The following RTCA variants were observed in gnomAD, a reference collection of about 807,000 sequenced individuals.
RTCA encodes the protein RNA terminal phosphate cyclase domain 1.
RTCA carries 37 observed loss-of-function variants against 46.1 expected under a neutral mutation model. The ratio of observed to expected loss-of-function variants is 0.80; its 90% CI spans 0.62 to 1.06. The LOEUF (loss-of-function observed/expected upper bound fraction) is 1.06, where lower values mean the gene tolerates loss of function less well. Among genes scored for constraint, RTCA ranks in the 50% least tolerant of loss-of-function variants. The pLI, the probability that RTCA is intolerant of heterozygous loss-of-function variation, is 0.00. For synonymous variants in RTCA, 164 were observed against 158.3 expected, an observed-to-expected ratio of 1.04 and a Z score of -0.27; for missense variants, 435 against 455.5, an observed-to-expected ratio of 0.95 and a Z score of 0.41.
chr1:100,290,256 T>C (rs1570894995), intron 10 of RTCA, among the ~76,000 whole-genome samples: 1 of 152,042 alleles, frequency 6.6e-6, no homozygotes, highest in East Asian at 1.9e-4. Flanking sequence ...TTAACCTATT[T>C]AATTGTTTTG....
intron 3 of RTCA, among the ~76,000 whole-genome samples, chr1:100,270,282 C>G (rs1666011904): frequency 6.6e-6 from 1 of 152,098 alleles, no homozygotes; most frequent in South Asian, 2.1e-4. Flanking sequence ...GCCAAGGTCA[C>G]ACAGCTAATG....
At chr1:100,273,956 C>T (rs913304485) in intron 5 of RTCA, among the ~76,000 whole-genome samples, 4 of 151,924 alleles carry the variant, frequency 2.6e-5, no homozygotes, top group Non-Finnish European at 5.9e-5. Context: ...ACTTCTTCGT[C>T]CCTCTCCTCC....
At chr1:100,267,664 T>TTA in intron 2 of RTCA, 2 of 1,036,620 alleles carry the variant, frequency 1.9e-6, no homozygotes, top group Non-Finnish European at 2.6e-6. Flanking sequence ...TTTTTTTTTT[T>TTA]TATAAGGACA....
chr1:100,272,034 G>A (rs1022800769), intron 4 of RTCA, among the ~76,000 whole-genome samples: 3 of 152,130 alleles, frequency 2.0e-5, no homozygotes, highest in Non-Finnish European at 2.9e-5. Context: ...TTGTGTTCTC[G>A]TATATGGATG....
intron 10 of RTCA, among the ~76,000 whole-genome samples, chr1:100,289,033 A>T (rs1385253400): frequency 2.0e-5 from 3 of 152,054 alleles, no homozygotes; most frequent in Non-Finnish European, 2.9e-5. Context: ...TGTGTTAGCT[A>T]GGCTGGTCTC....
chr1:100,279,524 C>T (rs1366796764), intron 8 of RTCA, among the ~76,000 whole-genome samples: 1 of 152,134 alleles, frequency 6.6e-6, no homozygotes, highest in Non-Finnish European at 1.5e-5. Context: ...AGCTTTAGTC[C>T]AAGCTACTCG....
chr1:100,268,457 G>A (rs1472661701), intron 3 of RTCA, among the ~76,000 whole-genome samples, 162 bp downstream of exon 3: 2 of 151,668 alleles, frequency 1.3e-5, no homozygotes, highest in Non-Finnish European at 2.9e-5. Context: ...GTGCAGTGGT[G>A]CAATCACTGC....
Position 100,266,584 on chromosome 1 carries a change from G to A in RTCA, c.106G>A (p.Val36Met), listed in dbSNP as rs764434786. The change falls in exon 2 of 11, where the codon GTG (valine) becomes ATG (methionine). Residue 36 changes from valine to methionine, a missense_variant. By Grantham distance (21) the Val-to-Met change is conservative (BLOSUM62 1). Transcript: ENST00000370128. ...CTGTCTCCTAGGCCTCCCCTTGCGGGTGCAGAAGATCCGAGCCGGCCGGAG... is the reference window on the plus strand; with the variant it reads ...CTGTCTCCTAGGCCTCCCCTTGCGGATGCAGAAGATCCGAGCCGGCCGGAG... The part of the protein sequence containing the change: ...LSCLLGLPLR[V>M]QKIRAGRSTP... The A allele has an allele frequency of 1.3e-5, 21 of 1,613,816 alleles. No individual in the cohort carries two copies. Among genetic ancestry groups the A allele is most frequent in the East Asian group, 8.9e-5 (4 of 44,886 alleles).
chr1:100,271,821 A>T (rs1666113189), intron 4 of RTCA, among the ~76,000 whole-genome samples: 2 of 152,232 alleles, frequency 1.3e-5, no homozygotes, highest in Admixed American at 1.3e-4. Flanking sequence ...TTACTCTAAA[A>T]AATTCCCTTA....
intron 8 of RTCA, among the ~76,000 whole-genome samples, chr1:100,277,669 A>G (rs1245207240): frequency 1.3e-5 from 2 of 152,218 alleles, no homozygotes; most frequent in African/African-American, 4.8e-5. Context: ...ATATGTCCAA[A>G]GAGCAATAAC....
chr1:100,267,996 T>C (rs4298755), intron 2 of RTCA, 156 bp from the exon 3 acceptor site: 924,344 of 1,100,982 alleles, frequency 0.84, 392,599 homozygotes, highest in East Asian at 0.95. Flanking sequence ...TCTAGGTGCA[T>C]AAAAACCCAA....
chr1:100,272,822 A>G (rs1293953845), intron 4 of RTCA, among the ~76,000 whole-genome samples: 1 of 152,256 alleles, frequency 6.6e-6, no homozygotes, highest in Non-Finnish European at 1.5e-5. Context: ...AGGTATTTGA[A>G]CAGAGCATTA....
chr1:100,283,905 T>A (rs1393370217), intron 8 of RTCA, among the ~76,000 whole-genome samples: 1 of 117,244 alleles, frequency 8.5e-6, no homozygotes, highest in African/African-American at 3.4e-5. Context: ...CCAGGCAACG[T>A]AGTGAGACCT....
chr1:100,271,993 A>G (rs1303942245), intron 4 of RTCA, among the ~76,000 whole-genome samples: 2 of 152,164 alleles, frequency 1.3e-5, no homozygotes, highest in Non-Finnish European at 2.9e-5. Context: ...AGATTCATCC[A>G]TGTTGCTTGT....
At chr1:100,281,134 C>G (rs1349142535) in intron 8 of RTCA, 2 of 509,686 alleles carry the variant, frequency 3.9e-6, no homozygotes, top group Non-Finnish European at 7.8e-6. Flanking sequence ...CTAGAGATGT[C>G]TTTATCATTG....
At chr1:100,288,223 G>C (rs551642545) in intron 10 of RTCA, among the ~76,000 whole-genome samples, 1 of 152,214 alleles carries the variant, frequency 6.6e-6, no homozygotes, top group Admixed American at 6.5e-5. Context: ...TGACATTTAG[G>C]TGTTTTCCTC....
At chr1:100,286,947 C>A in intron 9 of RTCA, 152 bp from the exon 10 acceptor site, 1 of 535,114 alleles carries the variant, frequency 1.9e-6, no homozygotes. Context: ...GGTTTTCTGT[C>A]ATCTTCTGAG....
At chr1:100,270,798 C>CT in intron 4 of RTCA, 118 bp downstream of exon 4, 1 of 1,203,950 alleles carries the variant, frequency 8.3e-7, no homozygotes, top group Non-Finnish European at 1.2e-6. Flanking sequence ...TTCATGGTGT[C>CT]TTTTCTTTCT....
chr1:100,283,922 T>TAAAAAAAAAAAAA (rs562483681), intron 8 of RTCA, among the ~76,000 whole-genome samples: 1 of 11,378 alleles, frequency 8.8e-5, no homozygotes, highest in Non-Finnish European at 1.7e-4. Flanking sequence ...ACCTAGTCGC[T>TAAAAAAAAAAAAA]AAAAAAAAAA....
Sources: gnomAD v4.1 joint callset for allele counts (sites outside exome capture counted in the v4.1 genomes callset) on GRCh38, gnomAD v4.1.1 for gene constraint, MANE v1.5 for transcripts, NCBI Gene and HGNC (gene_info 2026-07-23, HGNC 2026-07-21) for gene names.